Variants in CAMK2G observed in about 807,000 individuals in gnomAD.
The protein encoded by CAMK2G is calcium/calmodulin dependent protein kinase II gamma, also known as calcium/calmodulin-dependent protein kinase type II subunit gamma.
CAMK2G carries 23 observed loss-of-function variants against 88.7 expected under a neutral mutation model. The ratio of observed to expected loss-of-function variants is 0.26; its 90% CI spans 0.19 to 0.37. CAMK2G has a LOEUF of 0.37. CAMK2G is among the 10% of genes least tolerant of loss of function. CAMK2G has a pLI of 1.00. For missense variants in CAMK2G, 476 were observed against 780.8 expected, an observed-to-expected ratio of 0.61 and a Z score of 4.65; for synonymous variants, 263 against 294.8, an observed-to-expected ratio of 0.89 and a Z score of 1.11.
chr10:73,857,709 G>A, intron 3 of CAMK2G, among the ~76,000 whole-genome samples: 1 of 152,190 alleles, frequency 6.6e-6, no homozygotes, highest in South Asian at 2.1e-4. Flanking sequence ...TGAGAGCAGG[G>A]AGCAGGCAGA....
intron 15 of CAMK2G, among the ~76,000 whole-genome samples, chr10:73,827,495 ATG>A (rs1221360562): frequency 2.6e-5 from 4 of 152,124 alleles, no homozygotes; most frequent in African/African-American, 9.7e-5. Flanking sequence ...TCTGGTTTTA[ATG>A]GATGGTTTCA....
rs961601083 is a variant in CAMK2G at position 73,819,656 on chromosome 10, AGGGCAGGGCAGGGCAG to A, written c.1250-27_1250-12del. ...TGCGGAGCGGGGCAGCTAGCCAGCCAGGGCAGGGCAGGGCAGGGCAAGGCAGAGCAGCCAAAACAAA... is the reference window on the plus strand; with the variant it reads ...TGCGGAGCGGGGCAGCTAGCCAGCCAGGCAAGGCAGAGCAGCCAAAACAAA... On this transcript the variant is annotated splice_polypyrimidine_tract_variant and intron_variant, in intron 18 of 22. Transcript: ENST00000423381. 6.9e-7 allele frequency: 1 copy of A among 1,442,002 alleles called. No homozygotes were observed. Among genetic ancestry groups the A allele is most frequent in the Non-Finnish European group, 9.4e-7 (1 of 1,064,724 alleles). 89.3% of individuals were successfully genotyped at this position (1,442,002 alleles called of 1,614,324 possible).
chr10:73,844,895 A>G (rs2094114843), intron 10 of CAMK2G, among the ~76,000 whole-genome samples: 1 of 152,162 alleles, frequency 6.6e-6, no homozygotes, highest in African/African-American at 2.4e-5. Flanking sequence ...ATTCTTCCCC[A>G]ACTTAATCAG....
intron 13 of CAMK2G, among the ~76,000 whole-genome samples, chr10:73,838,095 C>G (rs2093425862): frequency 6.6e-6 from 1 of 152,202 alleles, no homozygotes; most frequent in South Asian, 2.1e-4. Context: ...GCCACCCTTT[C>G]CCCAGTGTCC....
intron 16 of CAMK2G, among the ~76,000 whole-genome samples, chr10:73,824,556 A>G (rs2090270925): frequency 6.6e-6 from 1 of 152,214 alleles, no homozygotes; most frequent in Non-Finnish European, 1.5e-5. Flanking sequence ...CAGCAAGCTG[A>G]GCCCAGAGAG....
chr10:73,841,527 T>G (rs2093786005), intron 12 of CAMK2G, among the ~76,000 whole-genome samples: 1 of 152,166 alleles, frequency 6.6e-6, no homozygotes, highest in Admixed American at 6.5e-5. Context: ...TCTTGCATCT[T>G]AAAAATAAAT....
At chr10:73,818,103 G>A in intron 19 of CAMK2G, 1 of 169,090 alleles carries the variant, frequency 5.9e-6, no homozygotes, top group Non-Finnish European at 1.3e-5. Context: ...AGAACCCTAG[G>A]ATGGATGCTT....
At chr10:73,864,933 G>A (rs1248928020) in intron 2 of CAMK2G, among the ~76,000 whole-genome samples, 1 of 152,074 alleles carries the variant, frequency 6.6e-6, no homozygotes, top group Non-Finnish European at 1.5e-5. Flanking sequence ...CGTGAGCCAC[G>A]GCACCCGGCC....
intron 14 of CAMK2G, among the ~76,000 whole-genome samples, chr10:73,835,518 T>C (rs947700364): frequency 2.0e-5 from 3 of 151,648 alleles, no homozygotes; most frequent in African/African-American, 7.3e-5. Flanking sequence ...CTCAAACTCC[T>C]GGACTCAAGC....
chr10:73,853,272 G>C, intron 3 of CAMK2G, 26 bp from the exon 4 acceptor site: 1 of 1,605,820 alleles, frequency 6.2e-7, no homozygotes, highest in Non-Finnish European at 8.5e-7. Context: ...TGGGGACAGA[G>C]ATTAACAGAG....
chr10:73,824,573 A>G lies in CAMK2G; in HGVS notation c.1156-489T>C, dbSNP rs187923308. On this transcript the variant is annotated intron_variant, in intron 16 of 22. Coordinates refer to ENST00000423381, the MANE Select transcript of CAMK2G (RefSeq NM_001367534.1). ...GCAAGCTGAGCCCAGAGAGCTGCCC[A>G]CTGCGCCCGCCTTCTGCCTTCCCTA... Among the ~76,000 whole-genome samples the G allele has an allele frequency of 4.9e-3, 741 of 152,268 alleles. 8 individuals carry two copies. Among genetic ancestry groups the G allele is most frequent in the African/African-American group, 0.017 (715 of 41,560 alleles).
intron 10 of CAMK2G, chr10:73,846,620 G>C (rs1202826449): frequency 6.6e-6 from 1 of 152,270 alleles, no homozygotes; most frequent in Non-Finnish European, 1.5e-5. Context: ...AGAATGGACA[G>C]ATAAATAATG....
At chr10:73,817,143 C>T in intron 20 of CAMK2G, 26 bp from the exon 21 acceptor site, 2 of 1,584,028 alleles carry the variant, frequency 1.3e-6, no homozygotes, top group Non-Finnish European at 1.7e-6. Flanking sequence ...AAAAAGCAGC[C>T]TATCAGGCTT....
At chr10:73,874,218 AG>A (rs1439272403) in intron 1 of CAMK2G, among the ~76,000 whole-genome samples, 178 bp downstream of exon 1, 1 of 56,308 alleles carries the variant, frequency 1.8e-5, no homozygotes, top group East Asian at 6.1e-4. Flanking sequence ...CAGGGCGCGG[AG>A]GGGGATGCGG....
At chr10:73,815,357 T>A in intron 21 of CAMK2G, 110 bp from the exon 22 acceptor site, 1 of 733,044 alleles carries the variant, frequency 1.4e-6, no homozygotes, top group Non-Finnish European at 2.3e-6. Flanking sequence ...ACTCCCAGAA[T>A]CTCCAAGTAC....
intron 2 of CAMK2G, among the ~76,000 whole-genome samples, chr10:73,867,870 C>G (rs931880372): frequency 6.6e-6 from 1 of 152,196 alleles, no homozygotes; most frequent in Non-Finnish European, 1.5e-5. Flanking sequence ...GACGCTGGGT[C>G]TGAGCCCTGG....
chr10:73,870,686 C>A (rs2095796733), intron 2 of CAMK2G, among the ~76,000 whole-genome samples: 1 of 152,180 alleles, frequency 6.6e-6, no homozygotes, highest in African/African-American at 2.4e-5. Flanking sequence ...CCCTGGTGGG[C>A]CCACGACATT....
At chr10:73,851,289 G>A (rs1360575809) in intron 5 of CAMK2G, among the ~76,000 whole-genome samples, 1 of 152,370 alleles carries the variant, frequency 6.6e-6, no homozygotes, top group East Asian at 1.9e-4. Context: ...AGAAAAGCAA[G>A]GCTGGGGGAA....
chr10:73,847,499 C>T lies in CAMK2G; in HGVS notation c.697-152G>A, dbSNP rs1368874587. 27 of 765,522 alleles carry T rather than the reference C, an allele frequency of 3.5e-5. No homozygotes were observed. In the Admixed American group the frequency reaches 6.9e-4, roughly 20 times the overall value. 47.4% of individuals were successfully genotyped at this position (765,522 alleles called of 1,614,324 possible). ...AGTTGGAGAAGCCCTGCGGCTATTCCAGAACCTGTGTCAACTTAAAGACTT... is the reference window on the plus strand; with the variant it reads ...AGTTGGAGAAGCCCTGCGGCTATTCTAGAACCTGTGTCAACTTAAAGACTT... On this transcript the variant is annotated intron_variant, in intron 9 of 22. Transcript: ENST00000423381.
Sources: gnomAD v4.1 joint callset for allele counts (sites outside exome capture counted in the v4.1 genomes callset) on GRCh38, gnomAD v4.1.1 for gene constraint, MANE v1.5 for transcripts, NCBI Gene and HGNC (gene_info 2026-07-23, HGNC 2026-07-21) for gene names.